The following PHF21A variants were observed in gnomAD, a reference collection of about 807,000 sequenced individuals.
The protein encoded by PHF21A is BHC80a.
A neutral mutation model predicts 82.5 loss-of-function variants in PHF21A; 11 were observed. The observed-to-expected ratio is 0.13, with a 90% confidence interval of 0.08 to 0.22. The LOEUF is 0.22. PHF21A is among the 10% of genes least tolerant of loss of function. The pLI is 1.00. For missense variants in PHF21A, 579 were observed against 837.8 expected (o/e 0.69, Z 3.81); for synonymous variants, 297 against 302.8 (o/e 0.98, Z 0.20).
chr11:45,938,904 G>A (rs2089755505), intron 15 of PHF21A, among the ~76,000 whole-genome samples: 1 of 151,712 alleles, frequency 6.6e-6, no homozygotes, highest in Non-Finnish European at 1.5e-5. Flanking sequence ...CGCGATCTCA[G>A]CTCACTGCAA....
intron 6 of PHF21A, among the ~76,000 whole-genome samples, chr11:46,070,097 C>T (rs1270832324): frequency 6.6e-6 from 1 of 152,162 alleles, no homozygotes; most frequent in Non-Finnish European, 1.5e-5. Context: ...CCATCCCTAC[C>T]CAGTCCTTTG....
chr11:46,119,757 A>AT (rs1852513689), intron 1 of PHF21A: 2 of 150,574 alleles, frequency 1.3e-5, no homozygotes, highest in Admixed American at 6.6e-5. Context: ...AAAAAAAAAA[A>AT]AGAAATCCTA....
At chr11:45,943,121 CTTTTTTTTTTT>C (rs3061870) in intron 15 of PHF21A, among the ~76,000 whole-genome samples, 1 of 112,124 alleles carries the variant, frequency 8.9e-6, no homozygotes, top group Non-Finnish European at 1.7e-5. Context: ...TCTTTCTTTC[CTTTTTTTTTTT>C]TTTTTTTTGA....
At chr11:46,119,012 A>G (rs1852188767) in intron 1 of PHF21A, among the ~76,000 whole-genome samples, 1 of 152,124 alleles carries the variant, frequency 6.6e-6, no homozygotes, top group Non-Finnish European at 1.5e-5. Context: ...TGTTGGTGAG[A>G]ACTCGCTCAA....
At chr11:46,104,532 A>G (rs1388783833) in intron 1 of PHF21A, among the ~76,000 whole-genome samples, 4 of 152,230 alleles carry the variant, frequency 2.6e-5, no homozygotes, top group East Asian at 3.8e-4. Flanking sequence ...GTATTCACAA[A>G]TAAGAACTCA....
intron 6 of PHF21A, among the ~76,000 whole-genome samples, chr11:46,042,388 C>T (rs532930534): frequency 3.3e-5 from 5 of 152,278 alleles, no homozygotes; most frequent in Middle Eastern, 3.4e-3. Flanking sequence ...TGTGATAGTG[C>T]AACTCCGGAA....
chr11:46,101,056 T>C (rs2097089667), intron 1 of PHF21A, among the ~76,000 whole-genome samples: 1 of 152,222 alleles, frequency 6.6e-6, no homozygotes, highest in African/African-American at 2.4e-5. Context: ...ACTTATATAT[T>C]GTCCTGCTTA....
intron 2 of PHF21A, among the ~76,000 whole-genome samples, chr11:46,091,908 C>T (rs1433201614): frequency 1.3e-5 from 2 of 152,108 alleles, no homozygotes; most frequent in Non-Finnish European, 2.9e-5. Context: ...AGAACCATTG[C>T]ATTAAGGACA....
At position 46,084,223 on chromosome 11, in the gene PHF21A, C is replaced by T; in HGVS notation, c.-4G>A. 2 of 1,596,258 alleles carry T rather than the reference C, an allele frequency of 1.3e-6. No individual in the cohort carries two copies. The highest frequency in any genetic ancestry group is 1.4e-5 in the African/African-American group (1 of 73,622). On this transcript the variant is annotated 5_prime_UTR_variant, in exon 4 of 19. Transcript: ENST00000676320. ...CCTGTAGAGTCTGCAACTCCATCCT[C>T]TACCTTCTCCACTTTCTCTGCTAAT...
chr11:45,936,360 T>G lies in PHF21A; in HGVS notation c.1684+134A>C, dbSNP rs977534626. 4 of 575,724 alleles carry G rather than the reference T, an allele frequency of 6.9e-6. No homozygotes were observed. The African/African-American group carries it at 7.7e-5, about 11-fold the overall frequency. The allele number at this position is 575,724 out of a possible 1,614,324, so 35.7% of individuals were successfully genotyped here. A position where few individuals can be genotyped will look rare whatever the true frequency, so the allele number is the denominator to read the frequency against. On this transcript the variant is annotated intron_variant, in intron 17 of 18. Coordinates refer to ENST00000676320, the MANE Select transcript of PHF21A (RefSeq NM_001352027.3). ...AATAAAAAGTTTTCATTTGCTTTGTTTCCTCCAATAGTTAAGGGCAAAAGG... is the reference window on the plus strand; with the variant it reads ...AATAAAAAGTTTTCATTTGCTTTGTGTCCTCCAATAGTTAAGGGCAAAAGG...
chr11:46,075,491 T>C (rs2134936153), intron 6 of PHF21A, among the ~76,000 whole-genome samples: 1 of 152,332 alleles, frequency 6.6e-6, no homozygotes, highest in Non-Finnish European at 1.5e-5. Context: ...ACACATCATG[T>C]TGACTTTAGA....
chr11:45,999,506 T>C (rs899400616), intron 6 of PHF21A, among the ~76,000 whole-genome samples: 1 of 152,228 alleles, frequency 6.6e-6, no homozygotes, highest in African/African-American at 2.4e-5. Flanking sequence ...GACTAGAAAG[T>C]AGAATTATTC....
intron 6 of PHF21A, among the ~76,000 whole-genome samples, chr11:46,004,850 C>T (rs2095253916): frequency 6.6e-6 from 1 of 152,174 alleles, no homozygotes; most frequent in Admixed American, 6.5e-5. Flanking sequence ...ATTCACTACA[C>T]ACATACTTAC....
At chr11:46,027,086 T>A (rs923916921) in intron 6 of PHF21A, 3 of 152,158 alleles carry the variant, frequency 2.0e-5, no homozygotes, top group Non-Finnish European at 2.9e-5. Flanking sequence ...TGTGAGAGCA[T>A]AGCACACAGC....
intron 3 of PHF21A, among the ~76,000 whole-genome samples, chr11:46,086,425 T>C (rs2096858657): frequency 1.3e-5 from 2 of 152,178 alleles, no homozygotes; most frequent in African/African-American, 2.4e-5. Context: ...AGCCAGCTAT[T>C]ATCTTTTAAA....
rs906929085 is a variant in PHF21A, at chr11:45,945,965, C to T, written c.1327G>A (p.Ala443Thr). 1 of 1,613,624 alleles carries T rather than the reference C, an allele frequency of 6.2e-7. No homozygotes were observed. The highest frequency in any genetic ancestry group is 1.3e-5 in the African/African-American group (1 of 74,830). The change falls in exon 15 of 19, where the codon GCC becomes ACC. Residue 443 changes from alanine (A) to threonine (T), a missense_variant. By Grantham distance (58) the Ala-to-Thr change is moderately conservative. Around this residue, in one of 3 missense-constraint regions of PHF21A, gnomAD observed 410 missense variants for 642.1 expected, o/e 0.64. Transcript: ENST00000676320. ...PKYNAVLGFGALTPTSPQSSH... is the reference protein window; with the variant it reads ...PKYNAVLGFGTLTPTSPQSSH... ...GATTGGGGGGATGTTGGGGTAAGGG[C>T]TCCAAACCCCAGCACTGCATTGTAT...
intron 6 of PHF21A, among the ~76,000 whole-genome samples, chr11:46,032,624 T>C (rs1455454273): frequency 6.6e-6 from 1 of 152,200 alleles, no homozygotes; most frequent in African/African-American, 2.4e-5. Flanking sequence ...ATTTAAAATG[T>C]AGATTCCTAT....
intron 10 of PHF21A, among the ~76,000 whole-genome samples, chr11:45,953,878 TGAAAAGAAAAGTATG>T (rs2092398327): frequency 6.6e-6 from 1 of 152,194 alleles, no homozygotes; most frequent in Non-Finnish European, 1.5e-5. Flanking sequence ...ATAAGGTATA[TGAAAAGAAAAGTATG>T]GTTTAATTCC....
At chr11:46,003,030 T>C (rs1013357178) in intron 6 of PHF21A, among the ~76,000 whole-genome samples, 7 of 152,188 alleles carry the variant, frequency 4.6e-5, no homozygotes, top group Admixed American at 2.6e-4. Flanking sequence ...TGTTTTGGAT[T>C]TGCAAAATCA....
Sources: gnomAD v4.1 joint callset for allele counts (sites outside exome capture counted in the v4.1 genomes callset) on GRCh38, gnomAD v4.1.1 for gene constraint, gnomAD v4.1.1 regional missense constraint, MANE v1.5 for transcripts, NCBI Gene and HGNC (gene_info 2026-07-23, HGNC 2026-07-21) for gene names.